Variants in GPC6 observed in about 807,000 individuals in gnomAD.
GPC6 encodes the protein glypican 6, also known as glypican-6.
GPC6 carries 14 observed loss-of-function variants against 55.2 expected under a neutral mutation model. The ratio of observed to expected loss-of-function variants is 0.25; its 90% CI spans 0.17 to 0.40. The LOEUF (loss-of-function observed/expected upper bound fraction) is 0.40, where lower values mean the gene tolerates loss of function less well. Ranked by LOEUF, GPC6 falls within the 10% of genes least tolerant of loss-of-function variation. The pLI, the probability that GPC6 is intolerant of heterozygous loss-of-function variation, is 1.00. For synonymous variants in GPC6, 278 were observed against 259.6 expected (o/e 1.07, Z -0.68); for missense variants, 641 against 708.5 (o/e 0.90, Z 1.08).
intron 5 of GPC6, among the ~76,000 whole-genome samples, chr13:94,304,221 A>G (rs1875820848): frequency 6.6e-6 from 1 of 152,228 alleles, no homozygotes; most frequent in African/African-American, 2.4e-5. Context: ...GTTAAGACCA[A>G]TCTCGAGGAA....
chr13:93,635,269 G>A (rs1879645226), intron 2 of GPC6, among the ~76,000 whole-genome samples: 1 of 151,846 alleles, frequency 6.6e-6, no homozygotes, highest in Non-Finnish European at 1.5e-5. Context: ...TATTGTGTAT[G>A]TCTATAAGAC....
intron 4 of GPC6, among the ~76,000 whole-genome samples, chr13:94,248,658 C>T (rs1394092255): frequency 6.6e-6 from 1 of 151,794 alleles, no homozygotes; most frequent in African/African-American, 2.4e-5. Flanking sequence ...CTGATATCCC[C>T]ATGACCATTT....
At chr13:93,476,811 T>G (rs2139336015) in intron 1 of GPC6, among the ~76,000 whole-genome samples, 1 of 152,260 alleles carries the variant, frequency 6.6e-6, no homozygotes, top group South Asian at 2.1e-4. Flanking sequence ...AATAAAATAT[T>G]GGGGTGTATA....
chr13:93,810,366 A>G (rs772109950), intron 2 of GPC6, among the ~76,000 whole-genome samples: 156 of 152,302 alleles, frequency 1.0e-3, no homozygotes, highest in Non-Finnish European at 2.0e-3. Flanking sequence ...TTTCTGCACA[A>G]ACCCAAATGA....
intron 2 of GPC6, among the ~76,000 whole-genome samples, chr13:93,816,727 GA>G (rs938968208): frequency 2.7e-5 from 4 of 145,928 alleles, no homozygotes; most frequent in East Asian, 2.0e-4. Context: ...ATGTACAGAG[GA>G]AAAAAAAACA....
intron 2 of GPC6, among the ~76,000 whole-genome samples, chr13:93,766,603 G>A: frequency 6.9e-6 from 1 of 144,586 alleles, no homozygotes; most frequent in South Asian, 2.3e-4. Flanking sequence ...TTATGTCCAA[G>A]GAAAACTATT....
chr13:94,303,090 G>T (rs1875746266), intron 5 of GPC6, among the ~76,000 whole-genome samples: 1 of 152,244 alleles, frequency 6.6e-6, no homozygotes, highest in Non-Finnish European at 1.5e-5. Context: ...AAACAGCAGT[G>T]GTGGATGGTG....
intron 4 of GPC6, among the ~76,000 whole-genome samples, chr13:94,255,944 G>C (rs1891489250): frequency 6.6e-6 from 1 of 152,142 alleles, no homozygotes; most frequent in African/African-American, 2.4e-5. Context: ...CACATTGCTT[G>C]AGAATCTACA....
At chr13:93,742,361 T>C (rs1884236257) in intron 2 of GPC6, among the ~76,000 whole-genome samples, 1 of 152,224 alleles carries the variant, frequency 6.6e-6, no homozygotes, top group Non-Finnish European at 1.5e-5. Flanking sequence ...ATTCATTAAA[T>C]GATAGAGAGT....
At chr13:93,461,793 A>G (rs1026761141) in intron 1 of GPC6, among the ~76,000 whole-genome samples, 3 of 152,186 alleles carry the variant, frequency 2.0e-5, no homozygotes, top group Admixed American at 1.3e-4. Flanking sequence ...ATTTTAAAAA[A>G]TCATTCGTTC....
At chr13:93,408,652 G>A (rs1251484470) in intron 1 of GPC6, among the ~76,000 whole-genome samples, 2 of 152,142 alleles carry the variant, frequency 1.3e-5, no homozygotes, top group African/African-American at 2.4e-5. Context: ...AAATTATGCA[G>A]GCAAAGACCA....
rs940626856 is a variant in GPC6 at position 94,271,386 on chromosome 13, A to G, written c.878-14963A>G. Among the ~76,000 whole-genome samples the G allele has an allele frequency of 7.8e-3, 901 of 115,942 alleles. 5 individuals are homozygous for G. Among genetic ancestry groups the G allele is most frequent in the Non-Finnish European group, 0.013 (619 of 48,336 alleles). 76.1% of individuals were successfully genotyped at this position (115,942 alleles called of 152,430 possible). ...CACACACGCGCGCGCGCGCGCGCACACACACACACACACACACACACACTC... is the reference window on the plus strand; with the variant it reads ...CACACACGCGCGCGCGCGCGCGCACGCACACACACACACACACACACACTC... On this transcript the variant is annotated intron_variant, in intron 4 of 8. Coordinates refer to ENST00000377047, the MANE Select transcript of GPC6 (RefSeq NM_005708.5).
At chr13:93,270,929 G>T (rs576078753) in intron 1 of GPC6, among the ~76,000 whole-genome samples, 3 of 152,156 alleles carry the variant, frequency 2.0e-5, no homozygotes, top group African/African-American at 7.2e-5. Flanking sequence ...TAGATCTTAG[G>T]TTGAAAGGGC....
chr13:93,742,128 A>C (rs1165368825), intron 2 of GPC6, among the ~76,000 whole-genome samples: 1 of 152,184 alleles, frequency 6.6e-6, no homozygotes, highest in Non-Finnish European at 1.5e-5. Flanking sequence ...ATTTGACATA[A>C]ATAAATACTT....
At chr13:93,587,232 C>A (rs1251335099) in intron 2 of GPC6, among the ~76,000 whole-genome samples, 1 of 151,708 alleles carries the variant, frequency 6.6e-6, no homozygotes, top group Admixed American at 6.6e-5. Flanking sequence ...ATATTATTTA[C>A]CCCTAATAAA....
At chr13:93,419,972 G>T (rs1030191354) in intron 1 of GPC6, among the ~76,000 whole-genome samples, 1 of 152,070 alleles carries the variant, frequency 6.6e-6, no homozygotes, top group Admixed American at 6.6e-5. Flanking sequence ...AATTACAGCT[G>T]AATAGGAGAA....
chr13:93,881,879 G>C (rs530002120), intron 3 of GPC6, among the ~76,000 whole-genome samples: 1 of 151,944 alleles, frequency 6.6e-6, no homozygotes, highest in African/African-American at 2.4e-5. Flanking sequence ...TCTCTTATTT[G>C]TTCAACCCTA....
intron 3 of GPC6, among the ~76,000 whole-genome samples, chr13:94,009,879 T>C (rs1163542254): frequency 6.6e-6 from 1 of 152,158 alleles, no homozygotes; most frequent in Non-Finnish European, 1.5e-5. Context: ...TCAGGACATA[T>C]TACTCAACTA....
intron 4 of GPC6, among the ~76,000 whole-genome samples, chr13:94,043,106 A>G (rs963524054): frequency 9.9e-5 from 15 of 151,616 alleles, no homozygotes; most frequent in Non-Finnish European, 7.4e-5. Context: ...GCAATTTCTC[A>G]TTTTTACCAT....
Sources: allele counts gnomAD v4.1 joint callset (sites outside exome capture counted in the v4.1 genomes callset), GRCh38; gene constraint gnomAD v4.1.1; transcripts MANE v1.5; gene names NCBI Gene and HGNC (gene_info 2026-07-23, HGNC 2026-07-21).